The following COLQ variants were observed in gnomAD, a reference collection of about 807,000 sequenced individuals.
COLQ encodes the protein acetylcholinesterase collagenic tail peptide.
In COLQ, 48 loss-of-function variants were observed where a neutral mutation model predicts 69.0. That is an observed-to-expected ratio of 0.70 (90% CI 0.55 to 0.88). The LOEUF (loss-of-function observed/expected upper bound fraction) is 0.88. COLQ is among the 40% of genes least tolerant of loss of function. The pLI, the probability that COLQ is intolerant of heterozygous loss-of-function variation, is 0.00. For synonymous variants in COLQ, 217 were observed against 211.2 expected (o/e 1.03, Z -0.24); for missense variants, 618 against 594.6 (o/e 1.04, Z -0.41).
intron 14 of COLQ, 111 bp from the exon 15 acceptor site, chr3:15,456,130 T>C: frequency 1.6e-6 from 2 of 1,287,090 alleles, no homozygotes; most frequent in African/African-American, 1.5e-5. Flanking sequence ...ATGCCTTGAC[T>C]TCCTCCCAGG....
At position 15,456,484 on chromosome 3, in the gene COLQ, G is replaced by C; in HGVS notation, c.1050C>G (p.Asp350Glu). 1 of 1,614,202 alleles carries C rather than the reference G, an allele frequency of 6.2e-7. No individual in the cohort carries two copies. The highest frequency in any genetic ancestry group is 8.5e-7 in the Non-Finnish European group (1 of 1,180,040). Residue 350 changes from aspartate (D) to glutamate (E), a missense_variant, in exon 14 of 17, where the codon GAC (aspartate) becomes GAG (glutamate). Coordinates refer to ENST00000383788, the MANE Select transcript of COLQ (RefSeq NM_005677.4). ...CCTGGATGGGGAGCCAGCCAAGGCT[G>C]TCCTTGAAGTACAGAGATCTCTGGT... Reference protein sequence around the residue: ...RRDQRSLYFKDSLGWLPIQLT... With the variant: ...RRDQRSLYFKESLGWLPIQLT...
intron 1 of COLQ, among the ~76,000 whole-genome samples, chr3:15,514,383 G>A (rs570112682): frequency 1.3e-5 from 2 of 152,210 alleles, no homozygotes; most frequent in South Asian, 4.2e-4. Flanking sequence ...TGTCTCAGTG[G>A]TCTGCAGTTT....
intron 1 of COLQ, among the ~76,000 whole-genome samples, chr3:15,513,662 CT>C (rs2063018041): frequency 6.6e-6 from 1 of 152,196 alleles, no homozygotes; most frequent in Admixed American, 6.5e-5. Flanking sequence ...ACTACTTGCA[CT>C]CAAATCCTTG....
chr3:15,455,960 C>T lies in COLQ; in HGVS notation c.1134G>A (p.Gly378=), dbSNP rs2062018569. The change falls in exon 15 of 17, where the codon GGG becomes GGA. Residue 378 remains glycine (G), a synonymous_variant. Transcript: ENST00000383788. ...CACACTCCTCCCCAGGCTGCAGGAG[C>T]CCATCCCCACAGGTGCCGTGCTGGT... is the stretch of plus-strand genomic sequence containing the variant. ...TADQHGTCGD[G]LLQPGEECDD... 1.2e-6 allele frequency: 2 copies of T among 1,613,786 alleles called. No individual in the cohort carries two copies. Among genetic ancestry groups the T allele is most frequent in the Non-Finnish European group, 1.7e-6 (2 of 1,179,862 alleles).
intron 1 of COLQ, among the ~76,000 whole-genome samples, chr3:15,512,506 T>C (rs1014013621): frequency 1.8e-4 from 27 of 152,212 alleles, no homozygotes; most frequent in Admixed American, 1.8e-3. Flanking sequence ...CTGGGCAACG[T>C]GTTCCTTCTT....
intron 1 of COLQ, among the ~76,000 whole-genome samples, chr3:15,511,879 C>G (rs2062990825): frequency 6.6e-6 from 1 of 152,184 alleles, no homozygotes; most frequent in Non-Finnish European, 1.5e-5. Flanking sequence ...TCCTCATGAT[C>G]ATAACCCACC....
chr3:15,464,559 G>A (rs1342855329), intron 12 of COLQ, among the ~76,000 whole-genome samples: 1 of 152,166 alleles, frequency 6.6e-6, no homozygotes, highest in Non-Finnish European at 1.5e-5. Context: ...GACTCTCAGA[G>A]CCAGATTTAA....
At chr3:15,519,122 C>T (rs1430373939) in intron 1 of COLQ, among the ~76,000 whole-genome samples, 1 of 152,108 alleles carries the variant, frequency 6.6e-6, no homozygotes, top group Non-Finnish European at 1.5e-5. Flanking sequence ...CAAGTGACCA[C>T]CGGAGAAAAC....
At chr3:15,521,329 G>A (rs2063134361) in intron 1 of COLQ, among the ~76,000 whole-genome samples, 191 bp downstream of exon 1, 1 of 152,196 alleles carries the variant, frequency 6.6e-6, no homozygotes, top group African/African-American at 2.4e-5. Context: ...GGAGCCGGTT[G>A]GAACAAGGAC....
At chr3:15,480,185 C>A (rs990632875) in intron 3 of COLQ, among the ~76,000 whole-genome samples, 9 of 152,156 alleles carry the variant, frequency 5.9e-5, no homozygotes, top group Non-Finnish European at 1.3e-4. Context: ...AATATGATTT[C>A]TTTTTTTAAA....
chr3:15,494,596 G>T (rs541468467), intron 1 of COLQ, among the ~76,000 whole-genome samples: 2 of 152,208 alleles, frequency 1.3e-5, no homozygotes, highest in East Asian at 1.9e-4. Flanking sequence ...GAGGCCTTCT[G>T]CTTGTACCCC....
At chr3:15,488,447 A>G (rs2062613126) in intron 2 of COLQ, 140 bp from the exon 3 acceptor site, 1 of 729,196 alleles carries the variant, frequency 1.4e-6, no homozygotes, top group African/African-American at 1.7e-5. Flanking sequence ...CCCCAAGAAG[A>G]TGACACCTTG....
chr3:15,472,562 T>C lies in COLQ; in HGVS notation c.636+1438A>G, dbSNP rs975504361. The stretch of plus-strand genomic sequence containing the variant: ...AGAATATGATGGTTTGAGAACTATG[T>C]TAAAATAACAATTTCCAATGTCAAT... On this transcript the variant is annotated intron_variant, in intron 10 of 16. Transcript: ENST00000383788. Among the ~76,000 whole-genome samples the C allele has an allele frequency of 4.6e-5, 7 of 152,348 alleles. No individual in the cohort carries two copies. The East Asian group carries it at 1.3e-3, about 29-fold the overall frequency.
intron 13 of COLQ, 152 bp from the exon 14 acceptor site, chr3:15,456,731 A>C (rs2062031578): frequency 5.8e-6 from 6 of 1,027,168 alleles, no homozygotes; most frequent in South Asian, 1.4e-5. Context: ...TTCTGAAGTG[A>C]GAGGAGTGTC....
chr3:15,465,835 C>T (rs942299651), intron 12 of COLQ, among the ~76,000 whole-genome samples: 5 of 150,170 alleles, frequency 3.3e-5, no homozygotes, highest in African/African-American at 7.4e-5. Flanking sequence ...AAACTCCTGA[C>T]CTCAAGTGAT....
At chr3:15,489,769 T>C (rs1206278095) in intron 1 of COLQ, 132 bp from the exon 2 acceptor site, 16 of 755,982 alleles carry the variant, frequency 2.1e-5, no homozygotes, top group East Asian at 8.1e-5. Context: ...TAGATGTGGA[T>C]AGGCCTCCTG....
At chr3:15,469,403 A>G (rs543562917) in intron 11 of COLQ, among the ~76,000 whole-genome samples, 28 of 152,314 alleles carry the variant, frequency 1.8e-4, no homozygotes, top group Non-Finnish European at 3.8e-4. Context: ...TTTCTCCCCC[A>G]TATTTTTCCT....
In COLQ at chr3:15,475,470, C is replaced by T; in HGVS notation, c.483G>A (p.Leu161=). 4 of 1,601,196 alleles carry T rather than the reference C, an allele frequency of 2.5e-6. No homozygotes were observed. Among genetic ancestry groups the T allele is most frequent in the Non-Finnish European group, 3.4e-6 (4 of 1,173,082 alleles). The part of the protein sequence containing the change: ...PEGPRGEKGD[L]GMMGLPGSRG... ...TTGACCCTGGCAAGCCCATCATACC[C>T]AGGTCACCTTTTTCACCCTGTGGGA... Residue 161 remains leucine (L), a synonymous_variant, in exon 7 of 17, where the codon CTG becomes CTA. Transcript: ENST00000383788.
chr3:15,519,902 T>G (rs2063113174), intron 1 of COLQ, among the ~76,000 whole-genome samples: 1 of 152,228 alleles, frequency 6.6e-6, no homozygotes, highest in Admixed American at 6.5e-5. Flanking sequence ...TCATCAAATA[T>G]TTATTGATTA....
Sources: allele counts gnomAD v4.1 joint callset (sites outside exome capture counted in the v4.1 genomes callset), GRCh38; gene constraint gnomAD v4.1.1; transcripts MANE v1.5; gene names NCBI Gene and HGNC (gene_info 2026-07-23, HGNC 2026-07-21).